Variants in GALNT1 observed in about 807,000 individuals in gnomAD.
The protein encoded by GALNT1 is GalNAc transferase 1.
Under a neutral mutation model 65.7 loss-of-function variants are expected in GALNT1, and 17 were observed. That is an observed-to-expected ratio of 0.26 (90% CI 0.18 to 0.39). GALNT1 has a LOEUF of 0.39. GALNT1 is among the 10% of genes least tolerant of loss of function. The pLI is 1.00. For synonymous variants in GALNT1, 210 were observed against 219.7 expected (o/e 0.96, Z 0.39); for missense variants, 460 against 672.8 (o/e 0.68, Z 3.50).
chr18:35,651,125 C>T (rs558962436), intron 1 of GALNT1, among the ~76,000 whole-genome samples: 16 of 152,208 alleles, frequency 1.1e-4, no homozygotes, highest in South Asian at 2.1e-4. Flanking sequence ...CCTGACTTCC[C>T]GCAACAAAAC....
chr18:35,707,037 A>T (rs200338653), intron 11 of GALNT1, among the ~76,000 whole-genome samples: 2 of 152,154 alleles, frequency 1.3e-5, no homozygotes, highest in African/African-American at 4.8e-5. Flanking sequence ...CTAGATCTCA[A>T]ATCTGGAATT....
At chr18:35,653,617 C>T (rs941150103) in intron 1 of GALNT1, among the ~76,000 whole-genome samples, 7 of 152,226 alleles carry the variant, frequency 4.6e-5, no homozygotes, top group Non-Finnish European at 8.8e-5. Flanking sequence ...GCCTTAGAGT[C>T]AGCTGCTGAG....
chr18:35,707,045 A>G (rs1568038676), intron 11 of GALNT1, among the ~76,000 whole-genome samples: 2 of 152,162 alleles, frequency 1.3e-5, no homozygotes, highest in African/African-American at 4.8e-5. Context: ...CAAATCTGGA[A>G]TTCTAGATTC....
At chr18:35,593,902 G>A (rs2046474385) in intron 1 of GALNT1, among the ~76,000 whole-genome samples, 1 of 151,828 alleles carries the variant, frequency 6.6e-6, no homozygotes, top group African/African-American at 2.4e-5. Context: ...AGTGACGGGG[G>A]TTTCATCATG....
chr18:35,610,537 G>A (rs1203908129), intron 1 of GALNT1, among the ~76,000 whole-genome samples: 1 of 152,142 alleles, frequency 6.6e-6, no homozygotes, highest in Non-Finnish European at 1.5e-5. Flanking sequence ...ATAAATGTTT[G>A]TGATGGGAAT....
chr18:35,708,588 C>T (rs1375205119), intron 11 of GALNT1, among the ~76,000 whole-genome samples: 1 of 152,212 alleles, frequency 6.6e-6, no homozygotes, highest in Non-Finnish European at 1.5e-5. Flanking sequence ...ACATTTCCTT[C>T]GAGTTAATTT....
intron 9 of GALNT1, among the ~76,000 whole-genome samples, chr18:35,694,307 TTTA>T (rs1276009597): frequency 2.6e-5 from 4 of 152,282 alleles, no homozygotes; most frequent in African/African-American, 9.6e-5. Context: ...TTTTTATTTC[TTTA>T]TTAAGATAAA....
intron 3 of GALNT1, among the ~76,000 whole-genome samples, chr18:35,674,722 G>A (rs1246580942): frequency 1.3e-5 from 2 of 152,110 alleles, no homozygotes; most frequent in Non-Finnish European, 2.9e-5. Context: ...AGTGGCTCAC[G>A]CCTGTAATCC....
chr18:35,680,134 T>C (rs1403510932), intron 4 of GALNT1, among the ~76,000 whole-genome samples: 2 of 152,238 alleles, frequency 1.3e-5, no homozygotes, highest in East Asian at 3.8e-4. Flanking sequence ...TGTCCAGTTT[T>C]CTTCTTTCAG....
intron 11 of GALNT1, 119 bp downstream of exon 11, chr18:35,703,762 T>G (rs995845305): frequency 7.6e-6 from 7 of 915,790 alleles, no homozygotes; most frequent in African/African-American, 1.7e-5. Flanking sequence ...ACTTGTCTTA[T>G]ACACTAAATA....
At chr18:35,669,705 C>T (rs1337334651) in intron 3 of GALNT1, among the ~76,000 whole-genome samples, 1 of 152,010 alleles carries the variant, frequency 6.6e-6, no homozygotes, top group Non-Finnish European at 1.5e-5. Context: ...TCTAGAAAAA[C>T]AAAACCCTCC....
intron 1 of GALNT1, among the ~76,000 whole-genome samples, chr18:35,621,621 A>C (rs1210811859): frequency 2.6e-5 from 4 of 152,130 alleles, no homozygotes; most frequent in Non-Finnish European, 4.4e-5. Flanking sequence ...TTATATCAAA[A>C]ATTTTAATTT....
At chr18:35,656,741 C>T (rs2047393276) in intron 2 of GALNT1, among the ~76,000 whole-genome samples, 1 of 152,150 alleles carries the variant, frequency 6.6e-6, no homozygotes. Flanking sequence ...CTGATCGGAC[C>T]TGGACTTCTG....
At chr18:35,663,474 G>C (rs1290314501) in intron 2 of GALNT1, among the ~76,000 whole-genome samples, 154 bp from the exon 3 acceptor site, 1 of 152,176 alleles carries the variant, frequency 6.6e-6, no homozygotes, top group East Asian at 1.9e-4. Context: ...GGACAAGACA[G>C]CCCCTTGAAA....
intron 1 of GALNT1, among the ~76,000 whole-genome samples, chr18:35,634,548 C>T (rs1447057640): frequency 6.6e-6 from 1 of 152,146 alleles, no homozygotes; most frequent in Non-Finnish European, 1.5e-5. Context: ...CCTATGGAGT[C>T]ACACAGGATG....
rs947699335 is a variant in GALNT1 at position 35,629,783 on chromosome 18, G to A, written c.-103-24777G>A. Among the ~76,000 whole-genome samples the A allele has an allele frequency of 9.9e-5, 15 of 152,268 alleles. No individual in the cohort carries two copies. The East Asian group carries it at 2.9e-3, about 29-fold the overall frequency. On this transcript the variant is annotated intron_variant, in intron 1 of 11. Coordinates refer to ENST00000269195, the MANE Select transcript of GALNT1 (RefSeq NM_020474.4). ...ACTGGCAAATTGGATAAAGAGTCAA[G>A]ACCCATCAGTGTGTTGTATTCAGGA... is the stretch of plus-strand genomic sequence containing the variant.
intron 2 of GALNT1, among the ~76,000 whole-genome samples, chr18:35,658,732 C>T: frequency 6.9e-6 from 1 of 144,666 alleles, no homozygotes; most frequent in South Asian, 2.2e-4. Flanking sequence ...TTTTTAAAGA[C>T]AGAGTCTTAC....
intron 7 of GALNT1, among the ~76,000 whole-genome samples, chr18:35,689,796 CTT>C (rs2047927976): frequency 6.6e-6 from 1 of 152,146 alleles, no homozygotes; most frequent in African/African-American, 2.4e-5. Flanking sequence ...CATATAAAGT[CTT>C]TGCATTTCAT....
intron 1 of GALNT1, among the ~76,000 whole-genome samples, chr18:35,647,298 A>G (rs927233574): frequency 6.6e-6 from 1 of 152,224 alleles, no homozygotes; most frequent in Non-Finnish European, 1.5e-5. Flanking sequence ...TCACATTTAT[A>G]TGATTATTAA....
Sources: gnomAD v4.1 joint callset for allele counts (sites outside exome capture counted in the v4.1 genomes callset) on GRCh38, gnomAD v4.1.1 for gene constraint, MANE v1.5 for transcripts, NCBI Gene and HGNC (gene_info 2026-07-23, HGNC 2026-07-21) for gene names.